The following ADGRV1 variants were observed in gnomAD, a reference collection of about 807,000 sequenced individuals.
The protein encoded by ADGRV1 is G-protein coupled receptor 98.
In ADGRV1, 359 loss-of-function variants were observed where a neutral mutation model predicts 596.2. The observed-to-expected ratio is 0.60, with a 90% CI of 0.55 to 0.66. The LOEUF is 0.66. ADGRV1 is among the 30% of genes least tolerant of loss of function. ADGRV1 has a pLI of 0.00. For missense variants in ADGRV1, 7,274 were observed against 7,575.6 expected (o/e 0.96, Z 1.48); for synonymous variants, 2,681 against 2,679.2 (o/e 1.00, Z -0.02).
At chr5:90,855,507 A>C (rs1668482219) in intron 81 of ADGRV1, among the ~76,000 whole-genome samples, 1 of 152,116 alleles carries the variant, frequency 6.6e-6, no homozygotes, top group Non-Finnish European at 1.5e-5. Flanking sequence ...TGGTACCAGG[A>C]ATGCCTTCAA....
chr5:90,728,415 A>C (rs1005767177), intron 48 of ADGRV1, among the ~76,000 whole-genome samples: 4 of 152,146 alleles, frequency 2.6e-5, no homozygotes, highest in African/African-American at 7.2e-5. Context: ...TTTCTTTTCA[A>C]ATATCTTCTC....
At chr5:90,985,915 C>T (rs185194999) in intron 85 of ADGRV1, among the ~76,000 whole-genome samples, 92 of 152,100 alleles carry the variant, frequency 6.0e-4, no homozygotes, top group African/African-American at 2.0e-3. Flanking sequence ...CAGCCACCAT[C>T]ACCCATAAGA....
At chr5:90,681,240 C>G (rs1744886375) in intron 26 of ADGRV1, 75 bp from the exon 27 acceptor site, 1 of 1,527,868 alleles carries the variant, frequency 6.5e-7, no homozygotes, top group Non-Finnish European at 8.9e-7. Flanking sequence ...AAAAGTTGTT[C>G]CTTGGCTTTT....
chr5:91,129,892 A>C (rs1273645832), intron 87 of ADGRV1, among the ~76,000 whole-genome samples: 1 of 152,206 alleles, frequency 6.6e-6, no homozygotes, highest in African/African-American at 2.4e-5. Flanking sequence ...GAGAACACAG[A>C]TCTCCATTCA....
intron 1 of ADGRV1, among the ~76,000 whole-genome samples, chr5:90,562,527 T>G (rs1468302348): frequency 6.6e-6 from 1 of 152,170 alleles, no homozygotes; most frequent in Non-Finnish European, 1.5e-5. Context: ...TGACACACTA[T>G]ACACTTAAAA....
At chr5:90,890,396 G>A (rs927539501) in intron 83 of ADGRV1, among the ~76,000 whole-genome samples, 1 of 152,216 alleles carries the variant, frequency 6.6e-6, no homozygotes, top group African/African-American at 2.4e-5. Flanking sequence ...GAGCAATACA[G>A]CACAGCGGTT....
chr5:91,144,766 T>C (rs1795393277), intron 87 of ADGRV1, among the ~76,000 whole-genome samples: 1 of 152,258 alleles, frequency 6.6e-6, no homozygotes, highest in African/African-American at 2.4e-5. Flanking sequence ...TCTAAAACAG[T>C]TAAGCTGTTA....
At chr5:91,031,369 G>A (rs187276424) in intron 85 of ADGRV1, 2 of 1,170,330 alleles carry the variant, frequency 1.7e-6, no homozygotes, top group African/African-American at 1.5e-5. Context: ...GCTGACGGAA[G>A]TTCATCATTC....
At chr5:90,918,286 G>T (rs568214170) in intron 83 of ADGRV1, among the ~76,000 whole-genome samples, 1 of 152,242 alleles carries the variant, frequency 6.6e-6, no homozygotes, top group East Asian at 1.9e-4. Context: ...AGCCTGCAAT[G>T]GTTTTATGAC....
intron 85 of ADGRV1, among the ~76,000 whole-genome samples, chr5:91,014,176 C>CCCACACACACACACACA (rs1782986464): frequency 8.1e-6 from 1 of 124,076 alleles, no homozygotes; most frequent in Non-Finnish European, 1.7e-5. Flanking sequence ...ACACACACAC[C>CCCACACACACACACACA]CCTAGACATA....
intron 75 of ADGRV1, among the ~76,000 whole-genome samples, chr5:90,820,981 A>G (rs1447827396): frequency 6.6e-6 from 1 of 151,784 alleles, no homozygotes; most frequent in Non-Finnish European, 1.5e-5. Flanking sequence ...AGATTGGGGA[A>G]GTTCTCCTGG....
chr5:90,951,693 A>T (rs115851716), intron 83 of ADGRV1, among the ~76,000 whole-genome samples: 2,586 of 152,260 alleles, frequency 0.017, 68 homozygotes, highest in African/African-American at 0.058. Flanking sequence ...GTTTGTAAAT[A>T]TTTCTAAATA....
In ADGRV1 at chr5:90,822,348, A is replaced by T. The variant is rs1388029467; in HGVS notation, c.16197-1077A>T. ...CCTAGTGAGATGAACCTGGTACCTC[A>T]GATGGAAATGCAGAAATCACCCGTC... On this transcript the variant is annotated intron_variant, in intron 75 of 89. Coordinates refer to ENST00000405460, the MANE Select transcript of ADGRV1 (RefSeq NM_032119.4). Among the ~76,000 whole-genome samples, 14 of 152,330 alleles carry T rather than the reference A, an allele frequency of 9.2e-5. No homozygotes were observed. The East Asian group carries it at 1.5e-3, about 17-fold the overall frequency.
chr5:90,655,420 A>C (rs1387931297), intron 20 of ADGRV1: 1 of 152,162 alleles, frequency 6.6e-6, no homozygotes, highest in South Asian at 2.1e-4. Context: ...ACTGTAACAC[A>C]ATTTATTTAT....
chr5:90,817,167 G>T (rs1248553984), intron 75 of ADGRV1, among the ~76,000 whole-genome samples: 1 of 151,706 alleles, frequency 6.6e-6, no homozygotes, highest in Non-Finnish European at 1.5e-5. Context: ...GGCCAGTGAT[G>T]ATGAGCATTT....
chr5:91,055,062 T>G (rs1360867728), intron 85 of ADGRV1, among the ~76,000 whole-genome samples: 1 of 152,194 alleles, frequency 6.6e-6, no homozygotes, highest in Non-Finnish European at 1.5e-5. Context: ...TAAACACATA[T>G]TATAAAAAGG....
chr5:90,676,205 A>G lies in ADGRV1; in HGVS notation c.5439A>G (p.Gly1813=). 1 of 1,602,854 alleles carries G rather than the reference A, an allele frequency of 6.2e-7. No individual in the cohort carries two copies. Among genetic ancestry groups the G allele is most frequent in the Non-Finnish European group, 8.5e-7 (1 of 1,175,382 alleles). The part of the protein sequence containing the change: ...SFKVELLNLE[G]GVAELFRVDG... ...AAGTTGAGTTGTTAAACTTGGAAGGAGGAGGTAAGGCTGGTGATTCAAAAA... is the reference window on the plus strand; with the variant it reads ...AAGTTGAGTTGTTAAACTTGGAAGGGGGAGGTAAGGCTGGTGATTCAAAAA... The change falls in exon 25 of 90, where the codon GGA becomes GGG. Residue 1813 remains glycine, a synonymous_variant. Transcript: ENST00000405460.
chr5:90,611,653 A>ATATG (rs1295990483), intron 1 of ADGRV1, among the ~76,000 whole-genome samples: 2 of 151,994 alleles, frequency 1.3e-5, no homozygotes, highest in Non-Finnish European at 2.9e-5. Flanking sequence ...TATGTTTGAA[A>ATATG]TTCATTTTAT....
chr5:91,082,542 A>G (rs765207523), intron 86 of ADGRV1, among the ~76,000 whole-genome samples: 21 of 152,166 alleles, frequency 1.4e-4, no homozygotes, highest in Non-Finnish European at 2.4e-4. Context: ...ACTTTTTAAA[A>G]AATGGATGAC....
Sources: allele counts gnomAD v4.1 joint callset (sites outside exome capture counted in the v4.1 genomes callset), GRCh38; gene constraint gnomAD v4.1.1; transcripts MANE v1.5; gene names NCBI Gene and HGNC (gene_info 2026-07-23, HGNC 2026-07-21).